The following MARF1 variants were observed in gnomAD, a reference collection of about 807,000 sequenced individuals.
The protein encoded by MARF1 is limkain-b1.
MARF1 carries 24 observed loss-of-function variants against 168.2 expected under a neutral mutation model. The ratio of observed to expected loss-of-function variants is 0.14; its 90% CI spans 0.10 to 0.20. The LOEUF (loss-of-function observed/expected upper bound fraction) is 0.20, where lower values mean the gene tolerates loss of function less well. MARF1 is among the 10% of genes least tolerant of loss of function. The pLI, the probability that MARF1 is intolerant of heterozygous loss-of-function variation, is 1.00. For missense variants in MARF1, 1,744 were observed against 2,143.6 expected (o/e 0.81, Z 3.68); for synonymous variants, 868 against 822.4 (o/e 1.06, Z -0.95).
chr16:15,605,191 A>AC (rs1433244736), intron 21 of MARF1, among the ~76,000 whole-genome samples: 1 of 152,222 alleles, frequency 6.6e-6, no homozygotes, highest in Non-Finnish European at 1.5e-5. Context: ...TTTGGCACAC[A>AC]CACGGCTCCG....
intron 7 of MARF1, among the ~76,000 whole-genome samples, chr16:15,628,272 A>T (rs2035011239): frequency 6.6e-6 from 1 of 152,154 alleles, no homozygotes; most frequent in African/African-American, 2.4e-5. Flanking sequence ...TACATTTTTT[A>T]AATCTGGAGG....
Position 15,594,844 on chromosome 16 carries a change from C to G in MARF1, c.*1849G>C, listed in dbSNP as rs142945533. ...AGTGAATGGTACTCAGACACACTCACGGGACAGCACAGAACTTGATTCTTC... is the reference window on the plus strand; with the variant it reads ...AGTGAATGGTACTCAGACACACTCAGGGGACAGCACAGAACTTGATTCTTC... On this transcript the variant is annotated 3_prime_UTR_variant, in exon 27 of 27. Transcript: ENST00000396368. 1 of 152,590 alleles carries G rather than the reference C, an allele frequency of 6.6e-6. No individual in the cohort carries two copies. The highest frequency in any genetic ancestry group is 2.4e-5 in the African/African-American group (1 of 41,422). The allele number at this position is 152,590 out of a possible 1,614,324, so 9.5% of individuals were successfully genotyped here.
intron 4 of MARF1, 61 bp downstream of exon 4, chr16:15,634,696 G>A: frequency 6.7e-7 from 1 of 1,486,632 alleles, no homozygotes; most frequent in South Asian, 1.2e-5. Flanking sequence ...TAAATGCAAT[G>A]TTAGTATGAG....
In MARF1 at chr16:15,596,776, CG is replaced by C; in HGVS notation, c.5145del (p.Val1716TrpfsTer21). On this transcript the variant is annotated frameshift_variant, in exon 27 of 27. Transcript: ENST00000396368. LOFTEE classifies it high-confidence loss of function. ...ETSESLLSKD[P>X]VESPAKKQPK... The stretch of plus-strand genomic sequence containing the variant: ...GGTTGCTTTTTGGCCGGGCTTTCCA[CG>C]GGGTCCTTGCTGAGCAGTGACTCGG... 6.2e-7 allele frequency: 1 copy of C among 1,613,032 alleles called. No individual in the cohort carries two copies. Among genetic ancestry groups the C allele is most frequent in the Non-Finnish European group, 8.5e-7 (1 of 1,179,182 alleles).
At position 15,631,439 on chromosome 16, in the gene MARF1, C is replaced by G; in HGVS notation, c.1293G>C (p.Gln431His). The stretch of plus-strand genomic sequence containing the variant: ...GTGTATTTGCAAATCTGCGGAGACT[C>G]TGCCGCAGTTTATCATCAGCGGCAT... ...AKNAADDKLR[Q>H]SLRRFANTHT... Residue 431 changes from glutamine (Q) to histidine (H), a missense_variant, in exon 6 of 27, where the codon CAG becomes CAC. By Grantham distance (24) the Gln-to-His change is conservative (BLOSUM62 0). Around this residue, in one of 7 missense-constraint regions of MARF1, gnomAD observed 217 missense variants for 372.4 expected, o/e 0.58. Coordinates refer to ENST00000396368, the MANE Select transcript of MARF1 (RefSeq NM_014647.4). 6.2e-7 allele frequency: 1 copy of G among 1,613,464 alleles called. No individual in the cohort carries two copies.
At chr16:15,614,420 T>C (rs1166165214) in intron 16 of MARF1, among the ~76,000 whole-genome samples, 1 of 143,022 alleles carries the variant, frequency 7.0e-6, no homozygotes, top group Non-Finnish European at 1.5e-5. Flanking sequence ...GAGGCGGAGC[T>C]TGCAGTGAGC....
chr16:15,601,970 G>A, intron 23 of MARF1, 21 bp downstream of exon 23: 1 of 1,605,656 alleles, frequency 6.2e-7, no homozygotes, highest in Non-Finnish European at 8.5e-7. Context: ...TGCTCTCCCG[G>A]AAGCTGAGAA....
At chr16:15,630,291 G>A (rs1293750198) in intron 7 of MARF1, 41 bp downstream of exon 7, 2 of 1,570,722 alleles carry the variant, frequency 1.3e-6, no homozygotes, top group Non-Finnish European at 1.7e-6. Flanking sequence ...CCTCCACAAT[G>A]TAATATTGGA....
In MARF1 at chr16:15,595,864, A is replaced by G. The variant is rs3743521; in HGVS notation, c.*829T>C. 0.075 allele frequency: 11,429 copies of G among 152,232 alleles called. 534 individuals carry two copies. Among genetic ancestry groups the G allele is most frequent in the East Asian group, 0.19 (989 of 5,172 alleles). The allele number at this position is 152,232 out of a possible 1,614,324, so 9.4% of individuals were successfully genotyped here. On this transcript the variant is annotated 3_prime_UTR_variant, in exon 27 of 27. Transcript: ENST00000396368. ...ATTTTAGAAAATCAGGCTCTTTCCA[A>G]TGCTGCCTCTCGACACACAATAATG...
chr16:15,635,365 G>A (rs994980283), intron 3 of MARF1: 11 of 442,510 alleles, frequency 2.5e-5, no homozygotes, highest in East Asian at 3.6e-5. Flanking sequence ...AAAATCCATC[G>A]TGCTTTAGCC....
At chr16:15,619,020 A>G (rs1168629243) in intron 13 of MARF1, among the ~76,000 whole-genome samples, 1 of 152,256 alleles carries the variant, frequency 6.6e-6, no homozygotes, top group Non-Finnish European at 1.5e-5. Flanking sequence ...CCGTGCCTGT[A>G]ATTCCAGCAC....
chr16:15,600,167 C>T (rs986785597), intron 25 of MARF1, among the ~76,000 whole-genome samples: 1 of 152,166 alleles, frequency 6.6e-6, no homozygotes, highest in Non-Finnish European at 1.5e-5. Context: ...TCTTCAACAT[C>T]TGAACTGGGG....
Position 15,612,654 on chromosome 16 carries a change from G to A in MARF1, c.3377C>T (p.Pro1126Leu), listed in dbSNP as rs2033671558. The change falls in exon 17 of 27, where the codon CCA (proline) becomes CTA (leucine). Residue 1126 changes from proline (P) to leucine (L), a missense_variant. This residue lies in a region of MARF1 where 543 missense variants were observed against 742.1 expected (regional missense o/e 0.73). Transcript: ENST00000396368. ...CTTTGCAAAATGATGGTGATAGGAT[G>A]GGATGAAATGACTGATGGGTATGAC... ...SCVIPISHFI[P>L]SYHHHFAKQC... is the part of the protein sequence containing the mutation. 2 of 1,614,120 alleles carry A rather than the reference G, an allele frequency of 1.2e-6. No homozygotes were observed. The highest frequency in any genetic ancestry group is 1.7e-6 in the Non-Finnish European group (2 of 1,179,978).
rs758321308 is a variant in MARF1, at chr16:15,624,888, A to G, written c.2151T>C (p.Pro717=). The G allele has an allele frequency of 2.5e-6, 4 of 1,614,190 alleles. No homozygotes were observed. The highest frequency in any genetic ancestry group is 3.3e-5 in the Admixed American group (2 of 60,026). The part of the protein sequence containing the change: ...NLSARSVTSS[P]VEKKDKEETV... ...TCTCCTCTTTATCTTTTTTCTCTAC[A>G]GGAGAACTGGTAACACTTCGGGCAC... The change falls in exon 10 of 27, where the codon CCT becomes CCC. Residue 717 remains proline (P), a synonymous_variant. Transcript: ENST00000396368.
In MARF1 at chr16:15,639,305, G is replaced by A; in HGVS notation, c.-58-14C>T. On this transcript the variant is annotated splice_polypyrimidine_tract_variant and intron_variant, in intron 1 of 26. Coordinates refer to ENST00000396368, the MANE Select transcript of MARF1 (RefSeq NM_014647.4). ...CATTCTTCCACCCTGTTAAGAATGA[G>A]TAAGATTTCAGTGTTATTTCCTTGC... The A allele has an allele frequency of 6.7e-7, 1 of 1,493,506 alleles. No homozygotes were observed. The highest frequency in any genetic ancestry group is 9.1e-7 in the Non-Finnish European group (1 of 1,102,774). The allele number at this position is 1,493,506 out of a possible 1,614,324, so 92.5% of individuals were successfully genotyped here.
chr16:15,622,510 G>A (rs1390116442), intron 11 of MARF1, among the ~76,000 whole-genome samples: 1 of 151,744 alleles, frequency 6.6e-6, no homozygotes. Context: ...TCCTGCCTTA[G>A]CCTCCTAAGG....
chr16:15,628,018 C>T (rs1216810186), intron 7 of MARF1, among the ~76,000 whole-genome samples: 3 of 152,126 alleles, frequency 2.0e-5, no homozygotes, highest in African/African-American at 4.8e-5. Flanking sequence ...TATAAATTAC[C>T]TTGCTGGAAA....
At position 15,596,806 on chromosome 16, in the gene MARF1, T is replaced by C. The variant is rs769323657; in HGVS notation, c.5116A>G (p.Thr1706Ala). The C allele has an allele frequency of 2.5e-5, 40 of 1,613,960 alleles. No homozygotes were observed. The highest frequency in any genetic ancestry group is 3.3e-5 in the Non-Finnish European group (39 of 1,179,986). ...TCCTTGCTGAGCAGTGACTCGGAGG[T>C]TTCCGAGGAGGGGCAGGGAGGCACG... Reference protein sequence around the residue: ...VPVPPCPSSETSESLLSKDPV... With the variant: ...VPVPPCPSSEASESLLSKDPV... The change falls in exon 27 of 27, where the codon ACC becomes GCC. Residue 1706 changes from threonine to alanine, a missense_variant. Physicochemically the swap from Thr to Ala is moderately conservative, Grantham distance 58. This residue lies in a region of MARF1 where 313 missense variants were observed against 337.4 expected (regional missense o/e 0.93). Transcript: ENST00000396368.
At chr16:15,641,918 A>ACAGT (rs2036000879) in intron 1 of MARF1, among the ~76,000 whole-genome samples, 1 of 152,192 alleles carries the variant, frequency 6.6e-6, no homozygotes. Flanking sequence ...GACTTGAGCG[A>ACAGT]CAGTCTCCTT....
Sources: gnomAD v4.1 joint callset for allele counts (sites outside exome capture counted in the v4.1 genomes callset) on GRCh38, gnomAD v4.1.1 for gene constraint, gnomAD v4.1.1 regional missense constraint, MANE v1.5 for transcripts, NCBI Gene and HGNC (gene_info 2026-07-23, HGNC 2026-07-21) for gene names.